MCF2L: variants seen among roughly 807,000 people sequenced by gnomAD.
MCF2L encodes MCF.2 cell line derived transforming sequence like.
A neutral mutation model predicts 153.4 loss-of-function variants in MCF2L; 97 were observed. The observed-to-expected ratio is 0.63, with a 90% CI of 0.54 to 0.75. The LOEUF (loss-of-function observed/expected upper bound fraction) is 0.75. MCF2L is among the 30% of genes least tolerant of loss of function. MCF2L has a pLI of 0.00. For missense variants in MCF2L, 1,347 were observed against 1,495.2 expected (o/e 0.90, Z 1.64); for synonymous variants, 659 against 632.2 (o/e 1.04, Z -0.64).
chr13:113,033,175 C>A (rs1431604100), intron 3 of MCF2L, among the ~76,000 whole-genome samples: 9 of 136,882 alleles, frequency 6.6e-5, no homozygotes, highest in South Asian at 2.3e-4. Flanking sequence ...GAGTGGCCCC[C>A]ATGACGTGAG....
In MCF2L at chr13:112,941,504, G is replaced by T. The variant is rs745359380; in HGVS notation, c.169+39133G>T. 4.6e-5 allele frequency among the ~76,000 whole-genome samples: 7 copies of T among 151,928 alleles called. No individual in the cohort carries two copies. The highest frequency in any genetic ancestry group is 8.8e-5 in the Non-Finnish European group (6 of 67,992). On this transcript the variant is annotated intron_variant, in intron 2 of 29. Transcript: ENST00000375608. The surrounding 1 kb of genome is among the most constrained non-coding windows in gnomAD (Gnocchi z 4.9). The stretch of plus-strand genomic sequence containing the variant: ...GCACACTGTGTGTGGAGCATCCTGA[G>T]TCAACACAGGTGTAGGCGGGCGCAG...
chr13:113,040,491 T>G (rs2086415822), intron 3 of MCF2L: 1 of 150,820 alleles, frequency 6.6e-6, no homozygotes, highest in South Asian at 2.1e-4. Flanking sequence ...TCTCCCAGAC[T>G]CCTCTTCTCA....
At position 113,082,532 on chromosome 13, in the gene MCF2L, T is replaced by G; in HGVS notation, c.1981T>G (p.Phe661Val). ...TGGAAACATGGAGGAAATCTATCAC[T>G]TCCACAACAGGTGGGCCCTTCCCCC... ...LFGNMEEIYH[F>V]HNRIFLRELE... is the part of the protein sequence containing the mutation. Residue 661 changes from phenylalanine (F) to valine (V), a missense_variant, in exon 17 of 30, where the codon TTC (phenylalanine) becomes GTC (valine). By Grantham distance (50) the Phe-to-Val change is conservative. Transcript: ENST00000535094. 2 of 1,610,788 alleles carry G rather than the reference T, an allele frequency of 1.2e-6. No individual in the cohort carries two copies. Among genetic ancestry groups the G allele is most frequent in the Non-Finnish European group, 1.7e-6 (2 of 1,177,110 alleles).
intron 3 of MCF2L, among the ~76,000 whole-genome samples, chr13:113,037,782 A>C (rs2086241695): frequency 6.6e-6 from 1 of 152,230 alleles, no homozygotes; most frequent in Non-Finnish European, 1.5e-5. Context: ...GGTCAGGAAC[A>C]CTGTTCTCAT....
chr13:112,956,982 T>C (rs2081765767), intron 2 of MCF2L: 1 of 152,018 alleles, frequency 6.6e-6, no homozygotes, highest in South Asian at 2.1e-4. Flanking sequence ...TTTAGAAGCA[T>C]GTGTGTGTTT....
intron 4 of MCF2L, among the ~76,000 whole-genome samples, chr13:113,052,069 A>T (rs1324182397): frequency 6.6e-6 from 1 of 152,246 alleles, no homozygotes; most frequent in Non-Finnish European, 1.5e-5. Context: ...AAATGTTCTC[A>T]GCACAGAAAA....
chr13:113,044,782 C>T lies in MCF2L; in HGVS notation c.279-489C>T. On this transcript the variant is annotated intron_variant, in intron 3 of 29. Coordinates refer to ENST00000535094, the MANE Select transcript of MCF2L (RefSeq NM_001112732.3). ...CCCGTTTCCAGCAGATGCTTGGGAA[C>T]CTTCAGAAGTCTTGGGGATTTTCTC... 1.9e-6 allele frequency: 3 copies of T among 1,612,928 alleles called. No individual in the cohort carries two copies. The South Asian group carries it at 3.3e-5, about 18-fold the overall frequency.
At chr13:113,014,697 G>A in intron 1 of MCF2L, 66 bp from the exon 2 acceptor site, 2 of 1,383,216 alleles carry the variant, frequency 1.4e-6, no homozygotes, top group Admixed American at 3.4e-5. Context: ...TGTGGGATCG[G>A]GTGGGCGCTT....
At chr13:113,044,414 C>T (rs529979459) in intron 3 of MCF2L, 57 of 415,994 alleles carry the variant, frequency 1.4e-4, no homozygotes, top group South Asian at 4.7e-4. Context: ...TCACAGAGAG[C>T]GGCCACGCCC....
At chr13:113,083,327 C>T (rs184707946) in intron 17 of MCF2L, among the ~76,000 whole-genome samples, 1 of 152,340 alleles carries the variant, frequency 6.6e-6, no homozygotes, top group Admixed American at 6.5e-5. Flanking sequence ...CTTGCCCTCT[C>T]ATCACCTCAC....
intron 2 of MCF2L, among the ~76,000 whole-genome samples, chr13:112,923,010 G>T (rs1448825600): frequency 6.6e-6 from 1 of 152,180 alleles, no homozygotes; most frequent in Non-Finnish European, 1.5e-5. Context: ...CCAGTCATAG[G>T]AATTGGTGGA....
At position 113,096,868 on chromosome 13, in the gene MCF2L, C is replaced by T; in HGVS notation, c.*9C>T. The T allele has an allele frequency of 2.1e-6, 3 of 1,416,050 alleles. No individual in the cohort carries two copies. Among genetic ancestry groups the T allele is most frequent in the East Asian group, 2.9e-5 (1 of 34,450 alleles). 87.7% of individuals were successfully genotyped at this position (1,416,050 alleles called of 1,614,324 possible). ...CCGACCTGCAGGGGTAGCGCGGCCT[C>T]GGCGCCGGAGACCCGCGCGCTGTCT... On this transcript the variant is annotated 3_prime_UTR_variant, in exon 30 of 30. Coordinates refer to ENST00000535094, the MANE Select transcript of MCF2L (RefSeq NM_001112732.3).
chr13:112,909,572 T>G, intron 2 of MCF2L: 1 of 442,468 alleles, frequency 2.3e-6, no homozygotes, highest in Middle Eastern at 5.9e-4. Context: ...GAGGAGAGTC[T>G]AATAACCAAG....
At chr13:112,913,865 G>T (rs2081261640) in intron 2 of MCF2L, among the ~76,000 whole-genome samples, 1 of 152,194 alleles carries the variant, frequency 6.6e-6, no homozygotes, top group South Asian at 2.1e-4. Context: ...AAACAGCTCT[G>T]TCTTCTCAGC....
chr13:113,084,552 TAG>T, intron 18 of MCF2L: 1 of 376,820 alleles, frequency 2.7e-6, no homozygotes, highest in South Asian at 4.8e-5. Flanking sequence ...GAGAAAATGC[TAG>T]AAGTTCTATT....
intron 17 of MCF2L, 115 bp from the exon 18 acceptor site, chr13:113,083,883 C>A (rs1046955056): frequency 8.9e-6 from 7 of 789,196 alleles, no homozygotes; most frequent in South Asian, 1.5e-5. Context: ...TCATGCGGGG[C>A]AGATTGCCCA....
At chr13:112,961,506 A>G (rs995817105) in intron 2 of MCF2L, among the ~76,000 whole-genome samples, 1 of 152,206 alleles carries the variant, frequency 6.6e-6, no homozygotes, top group Non-Finnish European at 1.5e-5. Context: ...CTCAGGGAAC[A>G]TGGTCAGGCC....
Position 113,074,929 on chromosome 13 carries a change from G to A in MCF2L, c.1117-69G>A, listed in dbSNP as rs146356900. The stretch of plus-strand genomic sequence containing the variant: ...ACGTGTGCCCCGGGACACACATCCC[G>A]TACAGCAAGGCACTGTGTGCCTCGA... On this transcript the variant is annotated intron_variant, in intron 10 of 29. Coordinates refer to ENST00000535094, the MANE Select transcript of MCF2L (RefSeq NM_001112732.3). This position sits in a 1 kb window ranked among gnomAD's most constrained non-coding sequence, Gnocchi z 4.2. The A allele has an allele frequency of 6.4e-3, 8,924 of 1,392,530 alleles. 36 individuals are homozygous for A. The highest frequency in any genetic ancestry group is 8.2e-3 in the Non-Finnish European group (8,310 of 1,017,558). 86.3% of individuals were successfully genotyped at this position (1,392,530 alleles called of 1,614,324 possible).
intron 17 of MCF2L, 28 bp downstream of exon 17, chr13:113,082,570 G>A (rs551498207): frequency 1.5e-5 from 22 of 1,460,392 alleles, no homozygotes; most frequent in Non-Finnish European, 1.8e-5. Flanking sequence ...ACACAGGCAC[G>A]CACCCGTGAT....
Sources: gnomAD v4.1 joint callset for allele counts (sites outside exome capture counted in the v4.1 genomes callset) on GRCh38, gnomAD v4.1.1 for gene constraint, Gnocchi (gnomAD v3.1) non-coding constraint, MANE v1.5 for transcripts, NCBI Gene and HGNC (gene_info 2026-07-23, HGNC 2026-07-21) for gene names.